Variants in AFAP1 observed in about 807,000 individuals in gnomAD.
AFAP1 encodes the protein actin filament-associated protein 1.
In AFAP1, 75 loss-of-function variants were observed where a neutral mutation model predicts 93.9. That is an observed-to-expected ratio of 0.80 (90% confidence interval 0.66 to 0.97). The LOEUF (loss-of-function observed/expected upper bound fraction) is 0.97, where lower values mean the gene tolerates loss of function less well. AFAP1 is among the 50% of genes least tolerant of loss of function. The probability of loss-of-function intolerance (pLI) is 0.00; values close to 1 mark genes in which losing one functional copy is unlikely to be tolerated. For synonymous variants in AFAP1, 517 were observed against 430.7 expected, an observed-to-expected ratio of 1.20 and a Z score of -2.48; for missense variants, 1,201 against 1,050.8, an observed-to-expected ratio of 1.14 and a Z score of -1.98.
At chr4:7,816,198 C>CAAAA in intron 7 of AFAP1, 99 bp from the exon 8 acceptor site, 1 of 1,014,176 alleles carries the variant, frequency 9.9e-7, no homozygotes, top group South Asian at 1.5e-5. Flanking sequence ...TGAAAGAAAA[C>CAAAA]ACAGGCCAAA....
chr4:7,769,815 C>T (rs906155104), intron 16 of AFAP1, among the ~76,000 whole-genome samples: 2 of 152,246 alleles, frequency 1.3e-5, no homozygotes, highest in African/African-American at 4.8e-5. Context: ...AAATGGGCAG[C>T]TCGGGGTCCC....
rs764378263 is a variant in AFAP1 at position 7,793,758 on chromosome 4, G to GT, written c.1334dup (p.Asp445GlufsTer8). The stretch of plus-strand genomic sequence containing the variant: ...TGTAGTCATAGTGCAGAGCCTCCGG[G>GT]TCTGTGGACGATCCCGTCTCTGCGA... On this transcript the variant is annotated frameshift_variant, in exon 11 of 18. Coordinates refer to ENST00000420658, the MANE Select transcript of AFAP1 (RefSeq NM_001134647.2). LOFTEE classifies it high-confidence loss of function. The GT allele has an allele frequency of 1.3e-6, 2 of 1,577,078 alleles. No individual in the cohort carries two copies. Among genetic ancestry groups the GT allele is most frequent in the Non-Finnish European group, 8.7e-7 (1 of 1,151,236 alleles).
intron 1 of AFAP1, among the ~76,000 whole-genome samples, chr4:7,890,348 T>C (rs1290001991): frequency 6.6e-6 from 1 of 152,126 alleles, no homozygotes; most frequent in Non-Finnish European, 1.5e-5. Flanking sequence ...TAAACTCTAC[T>C]CCTTACGTCG....
chr4:7,763,842 G>A (rs761101229), intron 17 of AFAP1, 51 bp from the exon 18 acceptor site: 9 of 1,544,432 alleles, frequency 5.8e-6, no homozygotes, highest in Non-Finnish European at 7.0e-6. Flanking sequence ...GATCAGGCTG[G>A]GACAAGCCAC....
At chr4:7,767,802 G>A (rs147641763) in intron 17 of AFAP1, among the ~76,000 whole-genome samples, 2 of 152,336 alleles carry the variant, frequency 1.3e-5, no homozygotes, top group African/African-American at 4.8e-5. Flanking sequence ...ATGCCAAGCT[G>A]GGCGCAGTGG....
At position 7,778,954 on chromosome 4, in the gene AFAP1, C is replaced by A; in HGVS notation, c.1783-78G>T. Reference sequence around the variant, plus strand: ...TCTTGGTCTTTTTTTTTTCTGGAGTCATTTCTTTCAGTCTCTAAGTATTGT... The same window carrying A: ...TCTTGGTCTTTTTTTTTTCTGGAGTAATTTCTTTCAGTCTCTAAGTATTGT... On this transcript the variant is annotated intron_variant, in intron 13 of 17. Coordinates refer to ENST00000420658, the MANE Select transcript of AFAP1 (RefSeq NM_001134647.2). 2.7e-6 allele frequency: 3 copies of A among 1,108,840 alleles called. No individual in the cohort carries two copies. The South Asian group carries it at 4.5e-5, about 17-fold the overall frequency. 68.7% of individuals were successfully genotyped at this position (1,108,840 alleles called of 1,614,324 possible). A position where few individuals can be genotyped will look rare whatever the true frequency, so the allele number is the denominator to read the frequency against.
intron 4 of AFAP1, among the ~76,000 whole-genome samples, chr4:7,848,233 T>A (rs910462714): frequency 8.9e-5 from 3 of 33,720 alleles, no homozygotes; most frequent in Admixed American, 4.0e-4. Context: ...GAGGGACGGA[T>A]GGAGGGAGGA....
chr4:7,898,551 T>A (rs1186486419), intron 1 of AFAP1, among the ~76,000 whole-genome samples: 3 of 152,010 alleles, frequency 2.0e-5, no homozygotes, highest in Non-Finnish European at 2.9e-5. Context: ...GGTGAAATGT[T>A]TGGGCAATCT....
intron 1 of AFAP1, among the ~76,000 whole-genome samples, chr4:7,930,699 A>G (rs1450485571): frequency 6.6e-6 from 1 of 152,240 alleles, no homozygotes; most frequent in African/African-American, 2.4e-5. Flanking sequence ...GCTCTGGGCC[A>G]AAAACCAGGA....
At chr4:7,838,422 T>C in intron 6 of AFAP1, 102 bp downstream of exon 6, 1 of 1,347,670 alleles carries the variant, frequency 7.4e-7, no homozygotes, top group Non-Finnish European at 9.8e-7. Flanking sequence ...TGAATCCATC[T>C]TGCCTATGCT....
chr4:7,815,653 G>A (rs1462068298), intron 8 of AFAP1, among the ~76,000 whole-genome samples: 1 of 152,100 alleles, frequency 6.6e-6, no homozygotes, highest in Non-Finnish European at 1.5e-5. Flanking sequence ...GCTTTTCACT[G>A]GACACCAGGT....
chr4:7,798,528 T>C (rs186099206), intron 10 of AFAP1, among the ~76,000 whole-genome samples: 133 of 152,342 alleles, frequency 8.7e-4, no homozygotes, highest in African/African-American at 3.0e-3. Flanking sequence ...CTTGCTTACA[T>C]TGGAAGGCTG....
intron 1 of AFAP1, among the ~76,000 whole-genome samples, chr4:7,927,479 T>C (rs2149242349): frequency 6.6e-6 from 1 of 152,270 alleles, no homozygotes; most frequent in African/African-American, 2.4e-5. Context: ...GCCCGGCACA[T>C]GGAGGAGTTC....
chr4:7,783,044 T>C (rs1011046851), intron 12 of AFAP1, among the ~76,000 whole-genome samples: 1 of 152,222 alleles, frequency 6.6e-6, no homozygotes, highest in Non-Finnish European at 1.5e-5. Context: ...TATGTGAGTG[T>C]GCACACTTTC....
intron 1 of AFAP1, among the ~76,000 whole-genome samples, chr4:7,919,033 C>CA (rs1720284679): frequency 6.6e-6 from 1 of 151,468 alleles, no homozygotes; most frequent in South Asian, 2.1e-4. Flanking sequence ...CCCAGGTCAC[C>CA]AGGAAACAGG....
Position 7,763,511 on chromosome 4 carries a change from C to T in AFAP1, c.*254G>A, listed in dbSNP as rs1216926111. On this transcript the variant is annotated 3_prime_UTR_variant, in exon 18 of 18. Transcript: ENST00000420658. Reference sequence around the variant, plus strand: ...CTTCGCCTGATAGCATCCTTTCAAACACCTTTCCATCACTTTTTTTGTTTT... The same window carrying T: ...CTTCGCCTGATAGCATCCTTTCAAATACCTTTCCATCACTTTTTTTGTTTT... 3.7e-6 allele frequency: 2 copies of T among 535,540 alleles called. No homozygotes were observed. The highest frequency in any genetic ancestry group is 6.6e-6 in the Non-Finnish European group (2 of 303,580). 33.2% of individuals were successfully genotyped at this position (535,540 alleles called of 1,614,324 possible). A position where few individuals can be genotyped will look rare whatever the true frequency, so the allele number is the denominator to read the frequency against.
chr4:7,882,396 CT>C (rs34705113), intron 1 of AFAP1, among the ~76,000 whole-genome samples: 68,090 of 147,446 alleles, frequency 0.46, 15,735 homozygotes, highest in East Asian at 0.54. Flanking sequence ...TAACCAAATT[CT>C]TTTTTTTTTT....
At position 7,897,282 on chromosome 4, in the gene AFAP1, A is replaced by T. The variant is rs577515674; in HGVS notation, c.-2-25202T>A. 9.2e-5 allele frequency among the ~76,000 whole-genome samples: 14 copies of T among 152,326 alleles called. No individual in the cohort carries two copies. The South Asian group carries it at 2.9e-3, about 32-fold the overall frequency. ...GACATCAGAGTAAATTCAGTTATGCAAACTGAGGACCTGCTGTTTACGAAC... is the reference window on the plus strand; with the variant it reads ...GACATCAGAGTAAATTCAGTTATGCTAACTGAGGACCTGCTGTTTACGAAC... On this transcript the variant is annotated intron_variant, in intron 1 of 17. Transcript: ENST00000420658.
intron 10 of AFAP1, among the ~76,000 whole-genome samples, chr4:7,797,245 A>T (rs1338101501): frequency 6.6e-6 from 1 of 152,220 alleles, no homozygotes; most frequent in East Asian, 1.9e-4. Flanking sequence ...TGTTACAGGC[A>T]AAGAGTCATT....
Sources: gnomAD v4.1 joint callset for allele counts (sites outside exome capture counted in the v4.1 genomes callset) on GRCh38, gnomAD v4.1.1 for gene constraint, MANE v1.5 for transcripts, NCBI Gene and HGNC (gene_info 2026-07-23, HGNC 2026-07-21) for gene names.